Variants in TMEM87B observed in about 807,000 individuals in gnomAD.
The protein encoded by TMEM87B is transmembrane protein 87B.
Under a neutral mutation model 80.3 loss-of-function variants are expected in TMEM87B, and 83 were observed. The observed-to-expected ratio is 1.03, with a 90% CI of 0.87 to 1.24. The LOEUF is 1.24. Among genes scored for constraint, TMEM87B ranks in the 50% most tolerant of loss-of-function variants. The pLI, the probability that TMEM87B is intolerant of heterozygous loss-of-function variation, is 0.00. For synonymous variants in TMEM87B, 219 were observed against 230.5 expected, an observed-to-expected ratio of 0.95 and a Z score of 0.45; for missense variants, 625 against 674.4, an observed-to-expected ratio of 0.93 and a Z score of 0.81.
intron 15 of TMEM87B, among the ~76,000 whole-genome samples, chr2:112,101,961 G>A (rs564367107): frequency 3.9e-5 from 6 of 152,216 alleles, no homozygotes; most frequent in African/African-American, 9.6e-5. Context: ...CTAACCCTGT[G>A]CCACTAAGTC....
intron 10 of TMEM87B, 25 bp downstream of exon 10, chr2:112,089,743 C>T (rs1441378671): frequency 8.1e-6 from 13 of 1,600,108 alleles, no homozygotes; most frequent in Non-Finnish European, 1.1e-5. Context: ...ATTCTACCAC[C>T]CCTTTTTGTT....
chr2:112,096,471 A>G (rs1005459777), intron 11 of TMEM87B, among the ~76,000 whole-genome samples: 3 of 152,290 alleles, frequency 2.0e-5, no homozygotes, highest in Middle Eastern at 3.4e-3. Context: ...TATTCTTCCT[A>G]TTGCAGTAAT....
At position 112,088,798 on chromosome 2, in the gene TMEM87B, G is replaced by A. The variant is rs201677235; in HGVS notation, c.939-827G>A. On this transcript the variant is annotated intron_variant, in intron 9 of 18. Transcript: ENST00000283206. ...TTTTGGAGACAAAAGTCTCACTCTC[G>A]CTCAGGCTAGAGTGCAGTGGTGCGA... is the stretch of plus-strand genomic sequence containing the variant. Among the ~76,000 whole-genome samples the A allele has an allele frequency of 8.7e-4, 132 of 151,968 alleles. 1 individual carries two copies. The highest frequency in any genetic ancestry group is 2.9e-3 in the African/African-American group (119 of 41,446).
intron 1 of TMEM87B, 151 bp downstream of exon 1, chr2:112,055,907 C>T (rs1678039338): frequency 1.8e-6 from 2 of 1,137,758 alleles, no homozygotes; most frequent in Non-Finnish European, 2.3e-6. Context: ...TCTGTTACAG[C>T]CGGGGAGCGG....
At chr2:112,112,875 A>C in intron 17 of TMEM87B, 24 bp from the exon 18 acceptor site, 4 of 1,610,404 alleles carry the variant, frequency 2.5e-6, no homozygotes, top group Non-Finnish European at 3.4e-6. Flanking sequence ...CAACATTATC[A>C]CCTTTTTTTC....
intron 17 of TMEM87B, among the ~76,000 whole-genome samples, chr2:112,109,020 A>T (rs13431260): frequency 0.022 from 3,375 of 152,288 alleles, 33 homozygotes; most frequent in African/African-American, 0.028. Flanking sequence ...CTATGAAGTG[A>T]TATGTCATCG....
intron 16 of TMEM87B, 114 bp downstream of exon 16, chr2:112,106,189 T>TTTG (rs892523618): frequency 6.6e-5 from 46 of 702,168 alleles, no homozygotes; most frequent in South Asian, 4.7e-4. Context: ...TTACTAAGAT[T>TTTG]TTGTTGTTGT....
At chr2:112,075,109 A>G (rs1678768733) in intron 5 of TMEM87B, 147 bp downstream of exon 5, 7 of 1,314,020 alleles carry the variant, frequency 5.3e-6, no homozygotes, top group Middle Eastern at 5.2e-4. Context: ...TTAAAACCGT[A>G]TGTTTTCAGG....
At chr2:112,065,835 G>A (rs1178671440) in intron 3 of TMEM87B, among the ~76,000 whole-genome samples, 1 of 151,942 alleles carries the variant, frequency 6.6e-6, no homozygotes, top group Non-Finnish European at 1.5e-5. Flanking sequence ...GGTGTGTCAT[G>A]GCATTGATAG....
At chr2:112,072,375 C>G (rs1371308784) in intron 4 of TMEM87B, among the ~76,000 whole-genome samples, 1 of 152,146 alleles carries the variant, frequency 6.6e-6, no homozygotes, top group Non-Finnish European at 1.5e-5. Context: ...CTTTGTACTT[C>G]TAGTAGAATT....
chr2:112,059,969 C>T lies in TMEM87B; in HGVS notation c.166-8C>T. The T allele has an allele frequency of 6.3e-7, 1 of 1,591,284 alleles. No individual in the cohort carries two copies. The highest frequency in any genetic ancestry group is 8.6e-7 in the Non-Finnish European group (1 of 1,166,530). ...ACAAGATCTTCCTGTGTTTGTTTTT[C>T]ATTTTAGAAATCAGGACCTTTGATA... On this transcript the variant is annotated splice_polypyrimidine_tract_variant and splice_region_variant and intron_variant, in intron 1 of 18. Transcript: ENST00000283206.
At position 112,055,601 on chromosome 2, in the gene TMEM87B, G is replaced by GC. The variant is rs140337193; in HGVS notation, c.12dup (p.Cys5LeufsTer41). The GC allele has an allele frequency of 6.6e-7, 1 of 1,514,034 alleles. No homozygotes were observed. Among genetic ancestry groups the GC allele is most frequent in the African/African-American group, 1.4e-5 (1 of 69,444 alleles). 93.8% of individuals were successfully genotyped at this position (1,514,034 alleles called of 1,614,324 possible). On this transcript the variant is annotated frameshift_variant, in exon 1 of 19. Transcript: ENST00000283206. LOFTEE classifies it high-confidence loss of function. Reference sequence around the variant, plus strand: ...CAGCTTCCTGGTCAAGATGGTCGCCGCCTGCCGCTCGGTAGCCGGGCTCCT... The same window carrying GC: ...CAGCTTCCTGGTCAAGATGGTCGCCGCCCTGCCGCTCGGTAGCCGGGCTCCT...
chr2:112,116,092 G>T lies in TMEM87B; in HGVS notation c.1617G>T (p.Met539Ile). 6.2e-7 allele frequency: 1 copy of T among 1,611,754 alleles called. No individual in the cohort carries two copies. Among genetic ancestry groups the T allele is most frequent in the South Asian group, 1.1e-5 (1 of 90,780 alleles). The change falls in exon 19 of 19, where the codon ATG (methionine) becomes ATT (isoleucine). Residue 539 changes from methionine (M) to isoleucine (I), a missense_variant. By Grantham distance (10) the Met-to-Ile change is conservative. Coordinates refer to ENST00000283206, the MANE Select transcript of TMEM87B (RefSeq NM_032824.3). Reference sequence around the variant, plus strand: ...TCTTTTTTTTTCTTCAGGAAATCATGACCAGATCTGAAATGGCTGAAAAAA... The same window carrying T: ...TCTTTTTTTTTCTTCAGGAAATCATTACCAGATCTGAAATGGCTGAAAAAA... ...PVLVDSDEEIMTRSEMAEKMF... is the reference protein window; with the variant it reads ...PVLVDSDEEIITRSEMAEKMF...
Position 112,091,712 on chromosome 2 carries a change from G to A in TMEM87B, c.1033G>A (p.Gly345Ser), listed in dbSNP as rs747021405. ...AVEGVMRVIG[G>S]SNHLAVVLDD... ...TTCTTCCCTTATTTTTATCTTTCAG[G>A]GTTCTAACCATTTAGCTGTTGTTCT... Residue 345 changes from glycine (G) to serine (S), a missense_variant and splice_region_variant, in exon 11 of 19, where the codon GGT becomes AGT. By Grantham distance (56) the Gly-to-Ser change is moderately conservative (BLOSUM62 0). Transcript: ENST00000283206. 4 of 1,608,606 alleles carry A rather than the reference G, an allele frequency of 2.5e-6. No individual in the cohort carries two copies. The highest frequency in any genetic ancestry group is 1.1e-5 in the South Asian group (1 of 90,014).
chr2:112,099,997 AATTT>A (rs1679586948), intron 14 of TMEM87B, among the ~76,000 whole-genome samples: 3 of 152,164 alleles, frequency 2.0e-5, no homozygotes, highest in Non-Finnish European at 4.4e-5. Flanking sequence ...AATGTAATAT[AATTT>A]ATATAAGCAG....
At position 112,073,946 on chromosome 2, in the gene TMEM87B, G is replaced by A. The variant is rs1678734416; in HGVS notation, c.451-966G>A. 1.3e-5 allele frequency among the ~76,000 whole-genome samples: 2 copies of A among 152,226 alleles called. 1 individual carries two copies. The highest frequency in any genetic ancestry group is 4.8e-5 in the African/African-American group (2 of 41,530). ...TTTTTTTCTGTTTTCCATTTGCTTG[G>A]TAGATTTTTCTCCAACCCTTTATTT... On this transcript the variant is annotated intron_variant, in intron 4 of 18. Coordinates refer to ENST00000283206, the MANE Select transcript of TMEM87B (RefSeq NM_032824.3).
chr2:112,075,262 T>C (rs1678773176), intron 5 of TMEM87B, among the ~76,000 whole-genome samples: 1 of 152,074 alleles, frequency 6.6e-6, no homozygotes, highest in Non-Finnish European at 1.5e-5. Flanking sequence ...TAGCCAGGCA[T>C]GGTGGTACAT....
At chr2:112,105,831 A>G (rs761112073) in intron 15 of TMEM87B, 171 bp from the exon 16 acceptor site, 3 of 446,216 alleles carry the variant, frequency 6.7e-6, no homozygotes, top group African/African-American at 2.0e-5. Context: ...AACTTTTTTC[A>G]TATATTTTTC....
chr2:112,098,018 C>G (rs1679524136), intron 13 of TMEM87B, among the ~76,000 whole-genome samples: 1 of 151,886 alleles, frequency 6.6e-6, no homozygotes, highest in Admixed American at 6.6e-5. Flanking sequence ...CTCCGTCAGC[C>G]AGTCTGGAGC....
Sources: allele counts gnomAD v4.1 joint callset (sites outside exome capture counted in the v4.1 genomes callset), GRCh38; gene constraint gnomAD v4.1.1; transcripts MANE v1.5; gene names NCBI Gene and HGNC (gene_info 2026-07-23, HGNC 2026-07-21).